AGBL3: variants seen among roughly 807,000 people sequenced by gnomAD.
AGBL3 encodes the protein AGBL carboxypeptidase 3, also known as cytosolic carboxypeptidase 3.
AGBL3 carries 68 observed loss-of-function variants against 94.5 expected under a neutral mutation model. The observed-to-expected ratio is 0.72, with a 90% confidence interval of 0.59 to 0.88. The LOEUF is 0.88. Ranked by LOEUF, AGBL3 falls within the 40% of genes least tolerant of loss-of-function variation. The pLI is 0.00. For synonymous variants in AGBL3, 354 were observed against 370.7 expected, an observed-to-expected ratio of 0.95 and a Z score of 0.52; for missense variants, 934 against 1,103.8, an observed-to-expected ratio of 0.85 and a Z score of 2.18.
chr7:135,009,499 G>A (rs4413715), intron 4 of AGBL3, among the ~76,000 whole-genome samples: 145,360 of 152,156 alleles, frequency 0.96, 69,752 homozygotes, highest in East Asian at 1. Context: ...GATTTTTTTT[G>A]ATTGTTTTTT....
chr7:135,021,271 T>C (rs907151703), intron 5 of AGBL3, among the ~76,000 whole-genome samples: 1 of 152,056 alleles, frequency 6.6e-6, no homozygotes, highest in Non-Finnish European at 1.5e-5. Flanking sequence ...GTATAGTGCA[T>C]ATATATTTTT....
chr7:135,130,150 A>G (rs182342047), intron 16 of AGBL3, among the ~76,000 whole-genome samples: 1 of 152,248 alleles, frequency 6.6e-6, no homozygotes, highest in Admixed American at 6.5e-5. Flanking sequence ...TGAGAATCTG[A>G]TCTCATTTAC....
intron 12 of AGBL3, among the ~76,000 whole-genome samples, chr7:135,072,179 G>C (rs1208420475): frequency 6.6e-6 from 1 of 152,310 alleles, no homozygotes; most frequent in East Asian, 1.9e-4. Flanking sequence ...ATCATCACTG[G>C]CCATCAGAGA....
chr7:135,105,750 C>T (rs1457079847), intron 15 of AGBL3, among the ~76,000 whole-genome samples: 2 of 152,000 alleles, frequency 1.3e-5, no homozygotes, highest in Non-Finnish European at 2.9e-5. Flanking sequence ...ATGATTTTTA[C>T]AATAATTTTT....
intron 8 of AGBL3, among the ~76,000 whole-genome samples, chr7:135,040,108 G>A (rs1158072109): frequency 2.0e-5 from 3 of 152,158 alleles, no homozygotes; most frequent in Non-Finnish European, 4.4e-5. Flanking sequence ...TAACAACTTA[G>A]ATGAAATGAA....
chr7:135,024,272 G>A (rs1210050541), intron 5 of AGBL3, among the ~76,000 whole-genome samples: 1 of 152,214 alleles, frequency 6.6e-6, no homozygotes, highest in Non-Finnish European at 1.5e-5. Flanking sequence ...ATAGAGTGCT[G>A]CTGCAGGTGT....
intron 9 of AGBL3, among the ~76,000 whole-genome samples, chr7:135,044,359 G>T (rs1817151303): frequency 6.6e-6 from 1 of 152,066 alleles, no homozygotes; most frequent in Non-Finnish European, 1.5e-5. Context: ...GAAGATTTAA[G>T]CATATAAACA....
At chr7:135,096,282 G>C (rs1288414643) in intron 15 of AGBL3, among the ~76,000 whole-genome samples, 2 of 151,638 alleles carry the variant, frequency 1.3e-5, no homozygotes, top group Non-Finnish European at 2.9e-5. Flanking sequence ...AATGAAAAGA[G>C]AATGAGTATA....
intron 8 of AGBL3, among the ~76,000 whole-genome samples, chr7:135,041,914 C>T (rs1816893838): frequency 1.3e-5 from 2 of 152,066 alleles, no homozygotes; most frequent in Non-Finnish European, 2.9e-5. Context: ...CAAATAAGCA[C>T]ATGAAAAGAT....
intron 11 of AGBL3, among the ~76,000 whole-genome samples, chr7:135,047,798 C>T (rs1280162640): frequency 2.0e-5 from 3 of 151,856 alleles, no homozygotes; most frequent in Non-Finnish European, 4.4e-5. Flanking sequence ...ATAGTTTGCA[C>T]ATTTTTTTTC....
intron 16 of AGBL3, among the ~76,000 whole-genome samples, chr7:135,116,086 A>C (rs990337687): frequency 6.6e-6 from 1 of 152,244 alleles, no homozygotes; most frequent in African/African-American, 2.4e-5. Context: ...AAGTAAAGAC[A>C]GTAATAAGCT....
intron 12 of AGBL3, among the ~76,000 whole-genome samples, chr7:135,071,837 A>G (rs1819940770): frequency 6.6e-6 from 1 of 152,240 alleles, no homozygotes; most frequent in South Asian, 2.1e-4. Flanking sequence ...AATACCATTC[A>G]GGACGTAGGC....
intron 4 of AGBL3, among the ~76,000 whole-genome samples, chr7:135,005,860 T>C (rs1373757793): frequency 1.3e-5 from 2 of 151,742 alleles, no homozygotes; most frequent in Admixed American, 6.6e-5. Context: ...TCAACAAATA[T>C]TGCTGGAGAA....
intron 12 of AGBL3, among the ~76,000 whole-genome samples, chr7:135,064,502 A>C (rs1819109735): frequency 6.6e-6 from 1 of 152,226 alleles, no homozygotes; most frequent in Admixed American, 6.5e-5. Context: ...GAGACCAATT[A>C]GGGGGCTCTT....
chr7:135,029,707 A>G (rs1465885355), intron 5 of AGBL3, among the ~76,000 whole-genome samples: 1 of 152,198 alleles, frequency 6.6e-6, no homozygotes, highest in Non-Finnish European at 1.5e-5. Context: ...AACTGACACA[A>G]AAGGCCTAGC....
At position 135,037,551 on chromosome 7, in the gene AGBL3, C is replaced by A. The variant is rs766482783; in HGVS notation, c.1471C>A (p.Leu491Ile). Reference protein sequence around the residue: ...TLYLQQRIFPLMLSKNCPDKF... With the variant: ...TLYLQQRIFPIMLSKNCPDKF... ...ATACTTACAGCAACGAATCTTCCCA[C>A]TTATGCTAAGCAAAAATTGTCCAGA... The change falls in exon 8 of 17, where the codon CTT becomes ATT. Residue 491 changes from leucine (L) to isoleucine (I), a missense_variant. By Grantham distance (5) the Leu-to-Ile change is conservative. Coordinates refer to ENST00000436302, the MANE Select transcript of AGBL3 (RefSeq NM_178563.4). The A allele has an allele frequency of 4.0e-5, 62 of 1,540,754 alleles. No homozygotes were observed. The highest frequency in any genetic ancestry group is 9.6e-6 in the Non-Finnish European group (11 of 1,142,710).
At chr7:135,006,692 T>G (rs532078008) in intron 4 of AGBL3, among the ~76,000 whole-genome samples, 1 of 151,910 alleles carries the variant, frequency 6.6e-6, no homozygotes, top group East Asian at 1.9e-4. Flanking sequence ...TGAAATCTTA[T>G]GGAGGAATAC....
Position 135,045,804 on chromosome 7 carries a change from T to C in AGBL3, c.1734T>C (p.Tyr578=), listed in dbSNP as rs1330483428. The change falls in exon 11 of 17, where the codon TAT becomes TAC. Residue 578 remains tyrosine, a synonymous_variant. Coordinates refer to ENST00000436302, the MANE Select transcript of AGBL3 (RefSeq NM_178563.4). ...CATTTATTACTTTTGCCTAGTATTA[T>C]CGGTGCCTGAAAGAATTAGAAGAAA... ...DYCDPDRTKY[Y]RCLKELEEME... is the part of the protein sequence containing the mutation. 5.8e-6 allele frequency: 9 copies of C among 1,546,822 alleles called. No homozygotes were observed. Among genetic ancestry groups the C allele is most frequent in the Non-Finnish European group, 7.9e-6 (9 of 1,144,024 alleles).
intron 16 of AGBL3, among the ~76,000 whole-genome samples, chr7:135,124,435 AC>A (rs1357651185): frequency 1.3e-5 from 2 of 152,248 alleles, no homozygotes; most frequent in Admixed American, 1.3e-4. Flanking sequence ...AGACTCCCAC[AC>A]AATAATAGTG....
Sources: allele counts gnomAD v4.1 joint callset (sites outside exome capture counted in the v4.1 genomes callset), GRCh38; gene constraint gnomAD v4.1.1; transcripts MANE v1.5; gene names NCBI Gene and HGNC (gene_info 2026-07-23, HGNC 2026-07-21).